Variants in PLCB4 observed in about 807,000 individuals in gnomAD.
PLCB4 encodes 1-phosphatidylinositol 4,5-bisphosphate phosphodiesterase beta-4.
In PLCB4, 77 loss-of-function variants were observed where a neutral mutation model predicts 178.8. The observed-to-expected ratio is 0.43, with a 90% CI of 0.36 to 0.52. PLCB4 has a LOEUF of 0.52. PLCB4 is among the 20% of genes least tolerant of loss of function. The probability of loss-of-function intolerance (pLI) is 0.00; values close to 1 mark genes in which losing one functional copy is unlikely to be tolerated. For missense variants in PLCB4, 1,024 were observed against 1,453.4 expected, an observed-to-expected ratio of 0.70 and a Z score of 4.80; for synonymous variants, 496 against 490.8, an observed-to-expected ratio of 1.01 and a Z score of -0.14.
At chr20:9,437,498 A>G (rs1000557348) in intron 30 of PLCB4, among the ~76,000 whole-genome samples, 1 of 152,228 alleles carries the variant, frequency 6.6e-6, no homozygotes, top group African/African-American at 2.4e-5. Context: ...GATGAAACAA[A>G]AGATCATTAA....
At chr20:9,462,119 A>G (rs934827150) in intron 35 of PLCB4, among the ~76,000 whole-genome samples, 3 of 152,190 alleles carry the variant, frequency 2.0e-5, no homozygotes, top group Admixed American at 6.5e-5. Context: ...ACCCAGGCAA[A>G]CAGGGTCTGG....
chr20:9,384,425 G>A lies in PLCB4; in HGVS notation c.1064+14G>A. ...GGCTGGTTGCAGGTGAGGAACTCAAGATGGCAATTTGTTTTTTGTGTGTGA... is the reference window on the plus strand; with the variant it reads ...GGCTGGTTGCAGGTGAGGAACTCAAAATGGCAATTTGTTTTTTGTGTGTGA... On this transcript the variant is annotated intron_variant, in intron 14 of 39. Coordinates refer to ENST00000378473, the MANE Select transcript of PLCB4 (RefSeq NM_001377142.1). The A allele has an allele frequency of 6.3e-7, 1 of 1,594,560 alleles. No individual in the cohort carries two copies. Among genetic ancestry groups the A allele is most frequent in the Non-Finnish European group, 8.6e-7 (1 of 1,162,150 alleles).
At chr20:9,405,170 G>C in intron 20 of PLCB4, 143 bp from the exon 21 acceptor site, 1 of 531,636 alleles carries the variant, frequency 1.9e-6, no homozygotes, top group Non-Finnish European at 3.4e-6. Context: ...ATGGCTTTTT[G>C]TCATCAGTAA....
intron 3 of PLCB4, among the ~76,000 whole-genome samples, chr20:9,251,434 T>C (rs2094179302): frequency 6.6e-6 from 1 of 152,184 alleles, no homozygotes; most frequent in Non-Finnish European, 1.5e-5. Context: ...ATAAGAACAA[T>C]TATTTTTTAT....
intron 3 of PLCB4, among the ~76,000 whole-genome samples, chr20:9,252,363 G>A (rs926620806): frequency 1.3e-5 from 2 of 152,128 alleles, no homozygotes; most frequent in Admixed American, 6.5e-5. Context: ...CTAGAGCTAC[G>A]AAATCAAAAT....
At position 9,459,620 on chromosome 20, in the gene PLCB4, C is replaced by G; in HGVS notation, c.3073-15C>G. On this transcript the variant is annotated splice_polypyrimidine_tract_variant and intron_variant, in intron 34 of 39. Transcript: ENST00000378473. ...ATGAGGATTACAATGGCACCGTCCC[C>G]TTTTTCCCAAACAGGTCAAAGAGAT... is the stretch of plus-strand genomic sequence containing the variant. 1 of 1,583,478 alleles carries G rather than the reference C, an allele frequency of 6.3e-7. No individual in the cohort carries two copies. The highest frequency in any genetic ancestry group is 8.7e-7 in the Non-Finnish European group (1 of 1,155,434).
intron 21 of PLCB4, among the ~76,000 whole-genome samples, chr20:9,407,412 T>C (rs910038328): frequency 6.6e-6 from 1 of 151,018 alleles, no homozygotes; most frequent in Non-Finnish European, 1.5e-5. Flanking sequence ...CTCTGTTGCC[T>C]GGTCTGGAGT....
At chr20:9,128,477 C>T (rs990876549) in intron 2 of PLCB4, among the ~76,000 whole-genome samples, 6 of 152,070 alleles carry the variant, frequency 3.9e-5, no homozygotes, top group Non-Finnish European at 7.4e-5. Context: ...AGTGCAGTGG[C>T]GCAGTCTTGG....
chr20:9,145,962 C>CA (rs1469355834), intron 2 of PLCB4, among the ~76,000 whole-genome samples: 1 of 152,004 alleles, frequency 6.6e-6, no homozygotes, highest in African/African-American at 2.4e-5. Flanking sequence ...TGTGGTTAAG[C>CA]AATGAGGAAG....
At chr20:9,272,187 C>G (rs879439521) in intron 3 of PLCB4, among the ~76,000 whole-genome samples, 1 of 143,960 alleles carries the variant, frequency 6.9e-6, no homozygotes, top group Admixed American at 7.3e-5. Context: ...ACGCACCCCC[C>G]TCAAAAAAAA....
At position 9,069,176 on chromosome 20, in the gene PLCB4, T is replaced by C. The variant is rs1454083354; in HGVS notation, c.-165T>C. ...TCTCCAGGCAGCGGCCGTCGCCGCA[T>C]CCCCGGCAGCAGCTCCAGGCAAAGT... On this transcript the variant is annotated 5_prime_UTR_variant, in exon 1 of 40. Transcript: ENST00000378473. 2 of 153,080 alleles carry C rather than the reference T, an allele frequency of 1.3e-5. No homozygotes were observed. The highest frequency in any genetic ancestry group is 2.9e-5 in the Non-Finnish European group (2 of 68,528). 9.5% of individuals were successfully genotyped at this position (153,080 alleles called of 1,614,324 possible).
At chr20:9,314,488 T>C (rs1361622457) in intron 4 of PLCB4, among the ~76,000 whole-genome samples, 1 of 151,136 alleles carries the variant, frequency 6.6e-6, no homozygotes, top group East Asian at 2.0e-4. Flanking sequence ...TTGGAATTTC[T>C]AGCACGGGAA....
Position 9,419,833 on chromosome 20 carries a change from G to A in PLCB4, c.2078G>A (p.Arg693Lys). The A allele has an allele frequency of 6.2e-7, 1 of 1,613,864 alleles. No homozygotes were observed. The highest frequency in any genetic ancestry group is 8.5e-7 in the Non-Finnish European group (1 of 1,179,756). The change falls in exon 26 of 40, where the codon AGG (arginine) becomes AAG (lysine). Residue 693 changes from arginine (R) to lysine (K), a missense_variant. Coordinates refer to ENST00000378473, the MANE Select transcript of PLCB4 (RefSeq NM_001377142.1). ...TACCTTCTCAAACCAGATTTCATGA[G>A]GCGGCCTGATCGAACATTTGACCCC... The part of the protein sequence containing the change: ...CGYLLKPDFM[R>K]RPDRTFDPFS...
intron 7 of PLCB4, among the ~76,000 whole-genome samples, chr20:9,354,146 T>A (rs542466213): frequency 2.6e-5 from 4 of 152,184 alleles, no homozygotes; most frequent in Non-Finnish European, 5.9e-5. Flanking sequence ...CCTGCATTGC[T>A]TTTATGTTGC....
intron 14 of PLCB4, among the ~76,000 whole-genome samples, chr20:9,387,140 G>A (rs1158706536): frequency 6.6e-6 from 1 of 151,692 alleles, no homozygotes; most frequent in Non-Finnish European, 1.5e-5. Context: ...CAAGTGATCC[G>A]CCTTCCTAGG....
At chr20:9,263,066 A>G (rs866963667) in intron 3 of PLCB4, among the ~76,000 whole-genome samples, 3 of 152,100 alleles carry the variant, frequency 2.0e-5, no homozygotes, top group Non-Finnish European at 2.9e-5. Flanking sequence ...TTACATGCCT[A>G]TTTCAGGCAG....
chr20:9,368,693 C>T (rs185383435), intron 9 of PLCB4, among the ~76,000 whole-genome samples: 37 of 152,330 alleles, frequency 2.4e-4, no homozygotes, highest in African/African-American at 8.4e-4. Flanking sequence ...TTAAAACCAT[C>T]GTGTAGATTG....
chr20:9,307,678 A>G, intron 3 of PLCB4, 122 bp from the exon 4 acceptor site: 1 of 496,420 alleles, frequency 2.0e-6, no homozygotes, highest in Non-Finnish European at 3.5e-6. Flanking sequence ...AGGGAAGAAG[A>G]AAAAAACGTA....
chr20:9,429,291 T>TC (rs796858439), intron 28 of PLCB4, among the ~76,000 whole-genome samples: 77 of 151,914 alleles, frequency 5.1e-4, no homozygotes, highest in African/African-American at 1.8e-3. Flanking sequence ...ACAATGTGGC[T>TC]CCCCCCAGCA....
Sources: allele counts gnomAD v4.1 joint callset (sites outside exome capture counted in the v4.1 genomes callset), GRCh38; gene constraint gnomAD v4.1.1; transcripts MANE v1.5; gene names NCBI Gene and HGNC (gene_info 2026-07-23, HGNC 2026-07-21).